POLQ: variants seen among roughly 807,000 people sequenced by gnomAD.
POLQ encodes epididymis secretory sperm binding protein.
POLQ carries 233 observed loss-of-function variants against 259.2 expected under a neutral mutation model. That is an observed-to-expected ratio of 0.90 (90% CI 0.81 to 1.00). The LOEUF is 1.00. Ranked by LOEUF, POLQ falls within the 50% of genes least tolerant of loss-of-function variation. POLQ has a pLI of 0.00. For synonymous variants in POLQ, 1,025 were observed against 1,048.8 expected, an observed-to-expected ratio of 0.98 and a Z score of 0.44; for missense variants, 2,871 against 3,051.6, an observed-to-expected ratio of 0.94 and a Z score of 1.39.
chr3:121,517,304 TAAGA>T (rs2048305524), intron 9 of POLQ, among the ~76,000 whole-genome samples: 1 of 152,010 alleles, frequency 6.6e-6, no homozygotes. Context: ...GTAGGTAAAG[TAAGA>T]GAGAAACAGG....
At chr3:121,536,485 T>A (rs1487877073) in intron 5 of POLQ, among the ~76,000 whole-genome samples, 1 of 152,036 alleles carries the variant, frequency 6.6e-6, no homozygotes, top group Non-Finnish European at 1.5e-5. Flanking sequence ...AAAATAATAT[T>A]TTTTTCAAAA....
intron 20 of POLQ, 31 bp from the exon 21 acceptor site, chr3:121,473,518 A>T (rs769440359): frequency 1.9e-6 from 3 of 1,577,734 alleles, no homozygotes; most frequent in African/African-American, 2.7e-5. Flanking sequence ...TTTAGTCAAG[A>T]ATGAAACTTG....
At chr3:121,514,582 C>T (rs1289303008) in intron 9 of POLQ, among the ~76,000 whole-genome samples, 1 of 152,092 alleles carries the variant, frequency 6.6e-6, no homozygotes, top group East Asian at 1.9e-4. Context: ...CACAGAGCTT[C>T]CCTAGCATTC....
At chr3:121,440,206 C>G in intron 26 of POLQ, 90 bp from the exon 27 acceptor site, 2 of 906,820 alleles carry the variant, frequency 2.2e-6, no homozygotes, top group Admixed American at 4.4e-5. Flanking sequence ...TACACCAAAA[C>G]CCCACGATGA....
At chr3:121,452,898 C>A (rs2047691530) in intron 25 of POLQ, among the ~76,000 whole-genome samples, 1 of 152,238 alleles carries the variant, frequency 6.6e-6, no homozygotes, top group African/African-American at 2.4e-5. Context: ...GTTCTCCTAG[C>A]ACGCAGCTGG....
intron 12 of POLQ, among the ~76,000 whole-genome samples, chr3:121,509,101 T>A (rs1332742201): frequency 6.6e-6 from 1 of 152,196 alleles, no homozygotes; most frequent in Non-Finnish European, 1.5e-5. Context: ...TGTTTTGTTT[T>A]TTATCTTATG....
chr3:121,487,865 T>C lies in POLQ; in HGVS notation c.5066A>G (p.Gln1689Arg). ...QEVISNLETK[Q>R]VQGISFSSNN... Reference sequence around the variant, plus strand: ...AGAAGAAAATGAAATTCCCTGCACTTGTTTTGTCTCCAAGTTTGAAATAAC... The same window carrying C: ...AGAAGAAAATGAAATTCCCTGCACTCGTTTTGTCTCCAAGTTTGAAATAAC... The change falls in exon 16 of 30, where the codon CAA becomes CGA. Residue 1689 changes from glutamine to arginine, a missense_variant. This residue lies in a region of POLQ where 2,080 missense variants were observed against 2,126.0 expected (regional missense o/e 0.98). Transcript: ENST00000264233. The C allele has an allele frequency of 6.2e-7, 1 of 1,610,788 alleles. No individual in the cohort carries two copies. The highest frequency in any genetic ancestry group is 1.1e-5 in the South Asian group (1 of 90,002).
chr3:121,545,831 C>T lies in POLQ; in HGVS notation c.47G>A (p.Gly16Asp), dbSNP rs1275018210. ...RSGKRRRSES[G>D]SDSFSGSGGD... ...GCCGCTTCCCGAGAACGAATCTGAGCCTGATTCTGAACGCCGCCGTTTCCC... is the reference window on the plus strand; with the variant it reads ...GCCGCTTCCCGAGAACGAATCTGAGTCTGATTCTGAACGCCGCCGTTTCCC... The change falls in exon 1 of 30, where the codon GGC becomes GAC. Residue 16 changes from glycine (G) to aspartate (D), a missense_variant. This residue lies in a region of POLQ where 783 missense variants were observed against 906.2 expected (regional missense o/e 0.86). Coordinates refer to ENST00000264233, the MANE Select transcript of POLQ (RefSeq NM_199420.4). 2 of 1,613,972 alleles carry T rather than the reference C, an allele frequency of 1.2e-6. No homozygotes were observed. The highest frequency in any genetic ancestry group is 1.7e-6 in the Non-Finnish European group (2 of 1,179,970).
At chr3:121,469,938 TAAC>T (rs761945279) in intron 22 of POLQ, among the ~76,000 whole-genome samples, 3 of 152,120 alleles carry the variant, frequency 2.0e-5, no homozygotes, top group Non-Finnish European at 4.4e-5. Context: ...TACGAACAAA[TAAC>T]AAAGCAGAAG....
chr3:121,534,393 G>A (rs998085523), intron 5 of POLQ, among the ~76,000 whole-genome samples: 5 of 151,602 alleles, frequency 3.3e-5, no homozygotes, highest in Non-Finnish European at 5.9e-5. Flanking sequence ...GCAAAGGCAC[G>A]ATCTTGGCTC....
In POLQ at chr3:121,482,520, C is replaced by CAA. The variant is rs34216699; in HGVS notation, c.5971-710_5971-709dup. On this transcript the variant is annotated intron_variant, in intron 18 of 29. Transcript: ENST00000264233. ...GGGCAACAAGAGCAAAACTTCGTCT[C>CAA]AAAAAAAAAAAAAAGTGACGCATAA... 1.3e-3 allele frequency among the ~76,000 whole-genome samples: 179 copies of CAA among 139,568 alleles called. 1 individual carries two copies. Among genetic ancestry groups the CAA allele is most frequent in the South Asian group, 0.012 (52 of 4,398 alleles). 91.6% of individuals were successfully genotyped at this position (139,568 alleles called of 152,430 possible).
At chr3:121,464,562 A>G (rs2047820389) in intron 24 of POLQ, among the ~76,000 whole-genome samples, 2 of 143,350 alleles carry the variant, frequency 1.4e-5, no homozygotes, top group Admixed American at 1.4e-4. Context: ...TTTGAATTTG[A>G]CATACTGTAG....
Position 121,496,868 on chromosome 3 carries a change from T to C in POLQ, c.2218A>G (p.Lys740Glu). 1 of 1,613,892 alleles carries C rather than the reference T, an allele frequency of 6.2e-7. No individual in the cohort carries two copies. Among genetic ancestry groups the C allele is most frequent in the Non-Finnish European group, 8.5e-7 (1 of 1,179,878 alleles). ...ATCTGCCCACGATTGCATCCATATT[T>C]CTGATTTATTTCCCTTAAGGGAACT... ...SEVPLREINQ[K>E]YGCNRGQIQS... The change falls in exon 14 of 30, where the codon AAA becomes GAA. Residue 740 changes from lysine to glutamate, a missense_variant. By Grantham distance (56) the Lys-to-Glu change is moderately conservative. This residue lies in a region of POLQ where 783 missense variants were observed against 906.2 expected (regional missense o/e 0.86). Transcript: ENST00000264233.
At chr3:121,496,181 CT>C (rs71133540) in intron 14 of POLQ, among the ~76,000 whole-genome samples, 16 of 142,476 alleles carry the variant, frequency 1.1e-4, no homozygotes, top group Non-Finnish European at 1.1e-4. Flanking sequence ...TAATCAGTAC[CT>C]TTTTTTTTTT....
intron 15 of POLQ, among the ~76,000 whole-genome samples, chr3:121,493,188 G>C (rs1384300587): frequency 6.6e-6 from 1 of 151,898 alleles, no homozygotes; most frequent in Non-Finnish European, 1.5e-5. Context: ...TATAATCCCA[G>C]CTACTCAGGA....
chr3:121,457,312 A>T (rs1388318636), intron 25 of POLQ, among the ~76,000 whole-genome samples: 1 of 152,236 alleles, frequency 6.6e-6, no homozygotes, highest in Admixed American at 6.5e-5. Flanking sequence ...ACCATTCAGG[A>T]CATAGGCATG....
At chr3:121,499,654 CAT>C (rs998016813) in intron 12 of POLQ, among the ~76,000 whole-genome samples, 1 of 152,000 alleles carries the variant, frequency 6.6e-6, no homozygotes, top group African/African-American at 2.4e-5. Flanking sequence ...GAATCAATAA[CAT>C]AGAGGAGATA....
chr3:121,496,240 G>A (rs1025914071), intron 14 of POLQ, among the ~76,000 whole-genome samples: 4 of 150,026 alleles, frequency 2.7e-5, no homozygotes, highest in African/African-American at 4.9e-5. Flanking sequence ...GCAGTGGTGC[G>A]ATCTCAGCTC....
At chr3:121,545,680 C>T in intron 1 of POLQ, 35 bp downstream of exon 1, 1 of 1,522,108 alleles carries the variant, frequency 6.6e-7, no homozygotes, top group East Asian at 2.4e-5. Flanking sequence ...CGGAGCTGCC[C>T]CCGTTGCCCG....
Sources: allele counts gnomAD v4.1 joint callset (sites outside exome capture counted in the v4.1 genomes callset), GRCh38; gene constraint gnomAD v4.1.1; regional missense constraint gnomAD v4.1.1; transcripts MANE v1.5; gene names NCBI Gene and HGNC (gene_info 2026-07-23, HGNC 2026-07-21).